DLC1: variants seen among roughly 807,000 people sequenced by gnomAD.
The protein encoded by DLC1 is rho GTPase-activating protein 7.
DLC1 carries 54 observed loss-of-function variants against 140.3 expected under a neutral mutation model. The ratio of observed to expected loss-of-function variants is 0.38; its 90% CI spans 0.31 to 0.48. DLC1 has a LOEUF of 0.48. Among genes scored for constraint, DLC1 ranks in the 20% least tolerant of loss-of-function variants. The probability of loss-of-function intolerance (pLI) is 0.96; values close to 1 mark genes in which losing one functional copy is unlikely to be tolerated. For synonymous variants in DLC1, 986 were observed against 728.1 expected (o/e 1.35, Z -5.70); for missense variants, 2,536 against 1,907.0 (o/e 1.33, Z -6.14).
At chr8:13,529,219 C>T (rs1803018233) in intron 1 of DLC1, among the ~76,000 whole-genome samples, 1 of 152,022 alleles carries the variant, frequency 6.6e-6, no homozygotes, top group African/African-American at 2.4e-5. Context: ...AAAAACAGAA[C>T]AATTAAATAC....
At chr8:13,561,067 C>T (rs138149048) in intron 1 of DLC1, among the ~76,000 whole-genome samples, 3 of 151,564 alleles carry the variant, frequency 2.0e-5, no homozygotes, top group South Asian at 2.1e-4. Flanking sequence ...AACAGCTACA[C>T]GAAAGTCAAT....
Position 13,317,328 on chromosome 8 carries a change from T to C in DLC1, c.1315-12026A>G, listed in dbSNP as rs187189564. On this transcript the variant is annotated intron_variant, in intron 4 of 17. Coordinates refer to ENST00000276297, the MANE Select transcript of DLC1 (RefSeq NM_182643.3). The stretch of plus-strand genomic sequence containing the variant: ...GAATTGCTTCAATACTAATTTTTTC[T>C]AGAAAACCCATTAAATAATTTGAAC... 5.3e-5 allele frequency among the ~76,000 whole-genome samples: 8 copies of C among 152,322 alleles called. 1 individual carries two copies. Among genetic ancestry groups the C allele is most frequent in the Admixed American group, 5.2e-4 (8 of 15,296 alleles).
At chr8:13,419,913 G>T (rs1468642470) in intron 2 of DLC1, among the ~76,000 whole-genome samples, 1 of 152,188 alleles carries the variant, frequency 6.6e-6, no homozygotes, top group East Asian at 1.9e-4. Context: ...TCTATTGAGA[G>T]ATTCAACTTC....
In DLC1 at chr8:13,095,426, G is replaced by A. The variant is rs1818428550; in HGVS notation, c.3168-181C>T. On this transcript the variant is annotated intron_variant, in intron 10 of 17. Transcript: ENST00000276297. ...CCCAGTGGTACTGGCCACACTTCAG[G>A]TGCTCCTTCATCTTTTGTGCTCAGT... is the stretch of plus-strand genomic sequence containing the variant. The A allele has an allele frequency of 2.7e-5, 19 of 697,068 alleles. No individual in the cohort carries two copies. The South Asian group carries it at 3.4e-4, about 12-fold the overall frequency. The allele number at this position is 697,068 out of a possible 1,614,324, so 43.2% of individuals were successfully genotyped here. A position where few individuals can be genotyped will look rare whatever the true frequency, so the allele number is the denominator to read the frequency against.
chr8:13,222,728 C>T (rs527942734), intron 5 of DLC1, among the ~76,000 whole-genome samples: 2 of 152,138 alleles, frequency 1.3e-5, no homozygotes, highest in South Asian at 4.2e-4. Context: ...GATTCAAATA[C>T]ACCTAAATTT....
At chr8:13,477,535 G>T (rs1389759180) in intron 2 of DLC1, among the ~76,000 whole-genome samples, 2 of 152,178 alleles carry the variant, frequency 1.3e-5, no homozygotes, top group Non-Finnish European at 2.9e-5. Flanking sequence ...ATCTACATTT[G>T]ATAAAAAACC....
At position 13,548,190 on chromosome 8, in the gene DLC1, A is replaced by G. The variant is rs142558911; in HGVS notation, c.-125-47994T>C. ...AAAAGTTCAATATCTTGTTGTTCCT[A>G]TTGTTAGTTCTTCAAGTTAAAGTTA... On this transcript the variant is annotated intron_variant, in intron 1 of 1. Coordinates refer to the DLC1 transcript ENST00000631382. 8.5e-3 allele frequency among the ~76,000 whole-genome samples: 1,290 copies of G among 152,086 alleles called. 21 individuals carry two copies. Among genetic ancestry groups the G allele is most frequent in the African/African-American group, 0.029 (1,219 of 41,542 alleles).
At chr8:13,306,557 T>TG (rs1491404512) in intron 4 of DLC1, among the ~76,000 whole-genome samples, 16 of 125,302 alleles carry the variant, frequency 1.3e-4, no homozygotes, top group South Asian at 2.5e-4. Flanking sequence ...TGTGTGTGTG[T>TG]TTGTGTGTGT....
At chr8:13,548,389 T>C (rs187222044) in intron 1 of DLC1, among the ~76,000 whole-genome samples, 1 of 152,032 alleles carries the variant, frequency 6.6e-6, no homozygotes, top group African/African-American at 2.4e-5. Flanking sequence ...CAGTATTAAA[T>C]TGAATTAATG....
intron 4 of DLC1, among the ~76,000 whole-genome samples, chr8:13,345,129 C>G (rs985765431): frequency 6.6e-6 from 1 of 151,996 alleles, no homozygotes; most frequent in Non-Finnish European, 1.5e-5. Context: ...TGGGTGGAGA[C>G]TCATTTGTCC....
intron 6 of DLC1, among the ~76,000 whole-genome samples, chr8:13,112,412 C>CT (rs1280651423): frequency 6.6e-6 from 1 of 151,908 alleles, no homozygotes; most frequent in Non-Finnish European, 1.5e-5. Context: ...ATAGTCTATC[C>CT]TTTTTTTTCT....
chr8:13,156,631 G>C (rs1253108509), intron 5 of DLC1, among the ~76,000 whole-genome samples: 1 of 152,180 alleles, frequency 6.6e-6, no homozygotes, highest in Non-Finnish European at 1.5e-5. Flanking sequence ...GGAGGAAAGG[G>C]TGGGTGTCCA....
rs189415424 is a variant in DLC1, at chr8:13,434,929, C to T, written c.1024-33310G>A. On this transcript the variant is annotated intron_variant, in intron 2 of 17. Coordinates refer to ENST00000276297, the MANE Select transcript of DLC1 (RefSeq NM_182643.3). ...TCCTGAGCTCAAGCGATCCACCCGC[C>T]TTGGCCTCCCAAAATGCTGGGATTA... is the stretch of plus-strand genomic sequence containing the variant. 5.9e-4 allele frequency among the ~76,000 whole-genome samples: 90 copies of T among 152,218 alleles called. 2 individuals are homozygous for T. The East Asian group carries it at 0.015, about 26-fold the overall frequency.
At position 13,455,985 on chromosome 8, in the gene DLC1, T is replaced by C. The variant is rs186963752; in HGVS notation, c.1023+43064A>G. ...CCCAAATTTGTGTTAATTTTGTTGATTCATTCATTTGTTCATTTGCTAATT... is the reference window on the plus strand; with the variant it reads ...CCCAAATTTGTGTTAATTTTGTTGACTCATTCATTTGTTCATTTGCTAATT... On this transcript the variant is annotated intron_variant, in intron 2 of 17. Coordinates refer to ENST00000276297, the MANE Select transcript of DLC1 (RefSeq NM_182643.3). 2.6e-5 allele frequency among the ~76,000 whole-genome samples: 4 copies of C among 152,356 alleles called. No homozygotes were observed. The East Asian group carries it at 7.7e-4, about 29-fold the overall frequency.
intron 5 of DLC1, among the ~76,000 whole-genome samples, chr8:13,227,883 G>A (rs1323592084): frequency 6.6e-6 from 1 of 152,108 alleles, no homozygotes; most frequent in African/African-American, 2.4e-5. Flanking sequence ...ATATTTCATT[G>A]AATGAATCTT....
At chr8:13,535,669 T>TAAAAAAAAA (rs55970525) in intron 1 of DLC1, among the ~76,000 whole-genome samples, 2 of 114,686 alleles carry the variant, frequency 1.7e-5, no homozygotes, top group African/African-American at 7.4e-5. Context: ...CATTGCTCAT[T>TAAAAAAAAA]AAAAAAAAAA....
At chr8:13,231,805 T>A (rs1446844430) in intron 5 of DLC1, among the ~76,000 whole-genome samples, 1 of 152,222 alleles carries the variant, frequency 6.6e-6, no homozygotes, top group Non-Finnish European at 1.5e-5. Flanking sequence ...TTTTAAACAA[T>A]CTTTAAAAGG....
intron 4 of DLC1, among the ~76,000 whole-genome samples, chr8:13,332,808 T>G (rs1039252872): frequency 6.6e-6 from 1 of 152,206 alleles, no homozygotes; most frequent in Non-Finnish European, 1.5e-5. Context: ...CTAGGTTAAT[T>G]GTTATTTTAC....
intron 5 of DLC1, among the ~76,000 whole-genome samples, chr8:13,227,394 C>CT (rs1828844898): frequency 6.6e-6 from 1 of 152,090 alleles, no homozygotes; most frequent in African/African-American, 2.4e-5. Flanking sequence ...ACTGGAGAGA[C>CT]TTGGATTGGG....
Sources: allele counts gnomAD v4.1 joint callset (sites outside exome capture counted in the v4.1 genomes callset), GRCh38; gene constraint gnomAD v4.1.1; transcripts MANE v1.5; gene names NCBI Gene and HGNC (gene_info 2026-07-23, HGNC 2026-07-21).